CFAP52: variants seen among roughly 807,000 people sequenced by gnomAD.
CFAP52 encodes the protein cilia and flagella associated protein 52.
CFAP52 carries 57 observed loss-of-function variants against 70.5 expected under a neutral mutation model. The ratio of observed to expected loss-of-function variants is 0.81; its 90% CI spans 0.65 to 1.01. The LOEUF (loss-of-function observed/expected upper bound fraction) is 1.01. Among genes scored for constraint, CFAP52 ranks in the 50% least tolerant of loss-of-function variants. The pLI, the probability that CFAP52 is intolerant of heterozygous loss-of-function variation, is 0.00. For missense variants in CFAP52, 785 were observed against 788.5 expected (o/e 1.00, Z 0.05); for synonymous variants, 267 against 292.5 (o/e 0.91, Z 0.89).
chr17:9,584,464 A>G (rs1908360063), intron 1 of CFAP52: 2 of 948,904 alleles, frequency 2.1e-6, no homozygotes, highest in South Asian at 3.4e-5. Flanking sequence ...ATCAATTTAA[A>G]GTGTATAACA....
intron 10 of CFAP52, among the ~76,000 whole-genome samples, chr17:9,634,243 A>G (rs756825001): frequency 1.3e-5 from 2 of 152,200 alleles, no homozygotes; most frequent in African/African-American, 4.8e-5. Flanking sequence ...AGAACAGAAT[A>G]GTTTGTGCTC....
chr17:9,645,447 G>C, downstream of CFAP52: 1 of 426,960 alleles, frequency 2.3e-6, no homozygotes, highest in Non-Finnish European at 3.5e-6. The surrounding 1 kb of genome is among the most constrained non-coding windows in gnomAD (Gnocchi z 6.8). Context: ...GAGGGGGCTG[G>C]TCGTGCCGCC....
chr17:9,626,818 A>G (rs894163329), intron 8 of CFAP52, among the ~76,000 whole-genome samples: 11 of 152,206 alleles, frequency 7.2e-5, no homozygotes, highest in African/African-American at 2.7e-4. Flanking sequence ...CTAAGCCCCA[A>G]GCATTAAATG....
In CFAP52 at chr17:9,641,039, G is replaced by A. The variant is rs76441977; in HGVS notation, c.1576-685G>A. 1.4e-3 allele frequency among the ~76,000 whole-genome samples: 208 copies of A among 152,220 alleles called. 1 individual carries two copies. Among genetic ancestry groups the A allele is most frequent in the African/African-American group, 4.8e-3 (201 of 41,546 alleles). On this transcript the variant is annotated intron_variant, in intron 12 of 13. Transcript: ENST00000352665. ...CATAAACAGAAGCATTCTTTCCTAA[G>A]AAGGAAATTTAAATCTTGAATAGAT... is the stretch of plus-strand genomic sequence containing the variant.
chr17:9,607,167 G>A (rs1048558856), intron 6 of CFAP52, among the ~76,000 whole-genome samples: 5 of 152,186 alleles, frequency 3.3e-5, no homozygotes, highest in Non-Finnish European at 5.9e-5. Flanking sequence ...CCAACATGGC[G>A]AAACCCCATC....
At chr17:9,639,714 G>A (rs1321278708) in intron 12 of CFAP52, among the ~76,000 whole-genome samples, 1 of 152,158 alleles carries the variant, frequency 6.6e-6, no homozygotes, top group African/African-American at 2.4e-5. Context: ...CTGGCGGGCG[G>A]GGGAAAGCTC....
At chr17:9,585,386 T>C (rs763470934) in intron 1 of CFAP52, among the ~76,000 whole-genome samples, 1 of 152,134 alleles carries the variant, frequency 6.6e-6, no homozygotes, top group African/African-American at 2.4e-5. Context: ...TTTAAAGTGT[T>C]GGCCGGGCGC....
chr17:9,606,244 G>T (rs557686225), intron 6 of CFAP52, among the ~76,000 whole-genome samples: 1 of 152,024 alleles, frequency 6.6e-6, no homozygotes, highest in Non-Finnish European at 1.5e-5. Context: ...ATTAGCCGGC[G>T]TGGTGGCATG....
intron 1 of CFAP52, chr17:9,584,057 C>T (rs1908338211): frequency 3.0e-6 from 1 of 330,936 alleles, no homozygotes; most frequent in Non-Finnish European, 4.7e-6. Flanking sequence ...CATGTGCAGT[C>T]TCAGGTAGGC....
intron 9 of CFAP52, among the ~76,000 whole-genome samples, chr17:9,630,304 C>G (rs1023460381): frequency 3.3e-5 from 5 of 150,466 alleles, no homozygotes; most frequent in African/African-American, 4.9e-5. Context: ...CAGGGCCAGG[C>G]GCGGTGGCTC....
At chr17:9,636,527 T>C (rs1009898085) in intron 11 of CFAP52, among the ~76,000 whole-genome samples, 5 of 152,166 alleles carry the variant, frequency 3.3e-5, no homozygotes, top group Non-Finnish European at 5.9e-5. Flanking sequence ...TTTTTGACTA[T>C]AAGCATTTTT....
chr17:9,641,663 C>A, intron 12 of CFAP52, 61 bp from the exon 13 acceptor site: 1 of 1,210,354 alleles, frequency 8.3e-7, no homozygotes, highest in Non-Finnish European at 1.2e-6. Flanking sequence ...CTTTTGTTAG[C>A]ATGTGCATGG....
chr17:9,585,659 C>A, intron 1 of CFAP52, 114 bp from the exon 2 acceptor site: 2 of 1,122,020 alleles, frequency 1.8e-6, no homozygotes, highest in Middle Eastern at 2.9e-4. Context: ...GTGACAAGTG[C>A]AAGACTCTGT....
chr17:9,610,106 G>A (rs56258605), intron 7 of CFAP52, among the ~76,000 whole-genome samples: 9,881 of 152,064 alleles, frequency 0.065, 503 homozygotes, highest in East Asian at 0.24. Context: ...GGAGAGGAAT[G>A]ATGAGAAACT....
At chr17:9,638,493 T>G (rs1348562752) in intron 11 of CFAP52, 116 bp from the exon 12 acceptor site, 5 of 840,590 alleles carry the variant, frequency 5.9e-6, no homozygotes, top group African/African-American at 5.1e-5. Context: ...ATGAGATGTT[T>G]GGCATGGAGA....
intron 4 of CFAP52, among the ~76,000 whole-genome samples, chr17:9,595,392 T>G (rs1464593971): frequency 1.3e-5 from 2 of 152,132 alleles, no homozygotes; most frequent in Non-Finnish European, 2.9e-5. Context: ...CCATGGCTAA[T>G]TATGAGGAAC....
chr17:9,594,139 T>G, intron 3 of CFAP52, 54 bp from the exon 4 acceptor site: 5 of 1,527,300 alleles, frequency 3.3e-6, no homozygotes, highest in Non-Finnish European at 4.4e-6. Flanking sequence ...TTTCTTATTT[T>G]AAAAGCCTGT....
intron 6 of CFAP52, among the ~76,000 whole-genome samples, chr17:9,607,393 G>A (rs988632308): frequency 3.3e-5 from 5 of 152,132 alleles, no homozygotes; most frequent in Admixed American, 6.6e-5. Flanking sequence ...TATTGCTCAC[G>A]CACATTTTAA....
rs960439319 is a variant in CFAP52, at chr17:9,595,051, C to A, written c.536+730C>A. 2.6e-5 allele frequency among the ~76,000 whole-genome samples: 4 copies of A among 151,972 alleles called. No homozygotes were observed. The South Asian group carries it at 8.3e-4, about 32-fold the overall frequency. On this transcript the variant is annotated intron_variant, in intron 4 of 13. Coordinates refer to ENST00000352665, the MANE Select transcript of CFAP52 (RefSeq NM_145054.5). ...GATTACAGGTGCCCGCCAACACACC[C>A]GGCTAATTTTTGTATTTTTAATAGA...
Sources: allele counts gnomAD v4.1 joint callset (sites outside exome capture counted in the v4.1 genomes callset), GRCh38; gene constraint gnomAD v4.1.1; non-coding constraint Gnocchi (gnomAD v3.1); transcripts MANE v1.5; gene names NCBI Gene and HGNC (gene_info 2026-07-23, HGNC 2026-07-21).